DPYD: variants seen among roughly 807,000 people sequenced by gnomAD.
DPYD encodes the protein dihydropyrimidine dehydrogenase [NADP(+)].
Under a neutral mutation model 116.2 loss-of-function variants are expected in DPYD, and 109 were observed. The observed-to-expected ratio is 0.94, with a 90% CI of 0.80 to 1.10. DPYD has a LOEUF of 1.10. Among genes scored for constraint, DPYD ranks in the 50% least tolerant of loss-of-function variants. The pLI, the probability that DPYD is intolerant of heterozygous loss-of-function variation, is 0.00. For missense variants in DPYD, 1,302 were observed against 1,254.5 expected (o/e 1.04, Z -0.57); for synonymous variants, 440 against 432.0 (o/e 1.02, Z -0.23).
intron 3 of DPYD, among the ~76,000 whole-genome samples, chr1:97,777,975 T>C (rs745506905): frequency 2.0e-5 from 3 of 151,652 alleles, no homozygotes; most frequent in Non-Finnish European, 2.9e-5. Context: ...CTGGCCAACA[T>C]GGTGCAACCC....
chr1:97,863,011 T>C (rs1671198545), intron 2 of DPYD, among the ~76,000 whole-genome samples: 1 of 151,948 alleles, frequency 6.6e-6, no homozygotes, highest in African/African-American at 2.4e-5. Flanking sequence ...ACCCAAGACC[T>C]ATCCAAGCTG....
At chr1:97,916,285 G>GT (rs1674209169) in intron 1 of DPYD, among the ~76,000 whole-genome samples, 1 of 152,066 alleles carries the variant, frequency 6.6e-6, no homozygotes, top group Non-Finnish European at 1.5e-5. Flanking sequence ...GCTGCACCCA[G>GT]TAACTCGTCA....
In DPYD at chr1:97,361,449, T is replaced by G. The variant is rs188058706; in HGVS notation, c.2058+12112A>C. Among the ~76,000 whole-genome samples the G allele has an allele frequency of 2.6e-4, 40 of 152,276 alleles. No individual in the cohort carries two copies. In the East Asian group the frequency reaches 7.1e-3, roughly 27 times the overall value. On this transcript the variant is annotated intron_variant, in intron 16 of 22. Coordinates refer to ENST00000370192, the MANE Select transcript of DPYD (RefSeq NM_000110.4). ...AAATGAGGGAATCCTCCGTAACTCA[T>G]CTTATGAGGCCAGCATTATCCTGAT...
At chr1:97,711,542 T>C (rs1024704373) in intron 5 of DPYD, among the ~76,000 whole-genome samples, 3 of 152,114 alleles carry the variant, frequency 2.0e-5, no homozygotes, top group African/African-American at 4.8e-5. Flanking sequence ...AGTCAGGGAC[T>C]ATAAGTCACT....
At chr1:97,408,727 G>A (rs1343493291) in intron 14 of DPYD, among the ~76,000 whole-genome samples, 1 of 152,092 alleles carries the variant, frequency 6.6e-6, no homozygotes, top group Non-Finnish European at 1.5e-5. Flanking sequence ...TAGAGGCAGA[G>A]CCACCCTCAA....
Position 97,888,052 on chromosome 1 carries a change from T to C in DPYD, c.40-4678A>G, listed in dbSNP as rs549281257. On this transcript the variant is annotated intron_variant, in intron 1 of 22. Transcript: ENST00000370192. ...AAATTGCCCAGTCTCGGGCAGTTCT[T>C]TACAGCAGCATGAGAACTAATACAC... Among the ~76,000 whole-genome samples, 3 of 152,092 alleles carry C rather than the reference T, an allele frequency of 2.0e-5. No individual in the cohort carries two copies. The South Asian group carries it at 6.2e-4, about 32-fold the overall frequency.
chr1:97,343,239 C>G (rs1480746419), intron 16 of DPYD, among the ~76,000 whole-genome samples: 1 of 152,024 alleles, frequency 6.6e-6, no homozygotes, highest in East Asian at 1.9e-4. Context: ...ACATTAAAGG[C>G]CCCAAATTCC....
At chr1:97,248,078 T>A (rs767379095) in intron 18 of DPYD, among the ~76,000 whole-genome samples, 1 of 152,180 alleles carries the variant, frequency 6.6e-6, no homozygotes, top group Non-Finnish European at 1.5e-5. Flanking sequence ...TATAGACCAA[T>A]ATCCATAGAC....
chr1:97,815,887 C>G (rs182058401), intron 3 of DPYD, among the ~76,000 whole-genome samples: 182 of 152,220 alleles, frequency 1.2e-3, no homozygotes, highest in Non-Finnish European at 2.1e-3. Flanking sequence ...ATCCAGATCA[C>G]AAGTGAAGGT....
At chr1:97,117,122 C>A (rs186412594) in intron 20 of DPYD, among the ~76,000 whole-genome samples, 27 of 152,002 alleles carry the variant, frequency 1.8e-4, no homozygotes, top group Non-Finnish European at 2.5e-4. Context: ...AGAGATCACA[C>A]CACTGCATTC....
chr1:97,810,252 A>G (rs1300690700), intron 3 of DPYD, among the ~76,000 whole-genome samples: 1 of 132,342 alleles, frequency 7.6e-6, no homozygotes, highest in Non-Finnish European at 1.5e-5. Context: ...ATGCCACTGC[A>G]CTCCAGCCTG....
At chr1:97,227,466 C>A (rs1170784520) in intron 19 of DPYD, among the ~76,000 whole-genome samples, 1 of 151,278 alleles carries the variant, frequency 6.6e-6, no homozygotes, top group African/African-American at 2.4e-5. Flanking sequence ...CCCTATTTAG[C>A]TGATGTGATT....
intron 16 of DPYD, among the ~76,000 whole-genome samples, chr1:97,348,759 T>G (rs569831988): frequency 4.1e-4 from 63 of 152,238 alleles, no homozygotes; most frequent in African/African-American, 1.4e-3. Context: ...GCCACTCTAG[T>G]AACAGAGATA....
intron 16 of DPYD, among the ~76,000 whole-genome samples, chr1:97,354,798 C>T (rs1461365135): frequency 4.6e-5 from 7 of 152,332 alleles, no homozygotes; most frequent in Middle Eastern, 3.4e-3. Flanking sequence ...CAATTATCCA[C>T]TCATTCATTC....
intron 8 of DPYD, among the ~76,000 whole-genome samples, chr1:97,605,186 C>T (rs1655508896): frequency 6.6e-6 from 1 of 152,032 alleles, no homozygotes; most frequent in Non-Finnish European, 1.5e-5. Context: ...ATATTGGGTC[C>T]AGTGTAAGCG....
chr1:97,660,514 T>A (rs1659192353), intron 8 of DPYD, among the ~76,000 whole-genome samples: 1 of 152,128 alleles, frequency 6.6e-6, no homozygotes, highest in African/African-American at 2.4e-5. Context: ...TAATTAACAA[T>A]GTAATGTCCC....
intron 2 of DPYD, among the ~76,000 whole-genome samples, chr1:97,867,579 A>G (rs191636046): frequency 1.9e-3 from 284 of 152,082 alleles, no homozygotes; most frequent in Non-Finnish European, 3.4e-3. Context: ...ACACAAATCA[A>G]TAAGTGTGAT....
At chr1:97,296,793 G>T (rs1016490677) in intron 18 of DPYD, among the ~76,000 whole-genome samples, 1 of 151,974 alleles carries the variant, frequency 6.6e-6, no homozygotes, top group Non-Finnish European at 1.5e-5. Flanking sequence ...TGGAGAAATT[G>T]TTTTAAAATA....
chr1:97,453,465 C>T (rs1676525860), intron 13 of DPYD, among the ~76,000 whole-genome samples: 1 of 151,974 alleles, frequency 6.6e-6, no homozygotes. Flanking sequence ...ATAAAAGACA[C>T]AGAATGGAAA....
Sources: allele counts gnomAD v4.1 joint callset (sites outside exome capture counted in the v4.1 genomes callset), GRCh38; gene constraint gnomAD v4.1.1; transcripts MANE v1.5; gene names NCBI Gene and HGNC (gene_info 2026-07-23, HGNC 2026-07-21).